Variants in CTNNA2 observed in about 807,000 individuals in gnomAD.
CTNNA2 encodes the protein catenin alpha 2, also known as catenin alpha-2.
CTNNA2 carries 42 observed loss-of-function variants against 101.0 expected under a neutral mutation model. The observed-to-expected ratio is 0.42, with a 90% CI of 0.32 to 0.54. The LOEUF (loss-of-function observed/expected upper bound fraction) is 0.54, where lower values mean the gene tolerates loss of function less well. CTNNA2 is among the 20% of genes least tolerant of loss of function. The pLI, the probability that CTNNA2 is intolerant of heterozygous loss-of-function variation, is 0.14. For synonymous variants in CTNNA2, 450 were observed against 456.4 expected (o/e 0.99, Z 0.18); for missense variants, 871 against 1,223.1 (o/e 0.71, Z 4.29).
chr2:79,316,421 G>A (rs1676498985), intron 3 of CTNNA2, among the ~76,000 whole-genome samples: 1 of 151,912 alleles, frequency 6.6e-6, no homozygotes, highest in South Asian at 2.1e-4. Flanking sequence ...TGACATCCCA[G>A]CATTTCCACA....
intron 2 of CTNNA2, among the ~76,000 whole-genome samples, chr2:79,252,229 A>G (rs2104273334): frequency 6.6e-6 from 1 of 152,246 alleles, no homozygotes; most frequent in African/African-American, 2.4e-5. Context: ...TACAAAAAAG[A>G]CTGCTTGACT....
At chr2:79,338,244 T>TAAAAAAAAAAAAA (rs1677040932) in intron 3 of CTNNA2, among the ~76,000 whole-genome samples, 1 of 14,572 alleles carries the variant, frequency 6.9e-5, no homozygotes. Flanking sequence ...AGACTCCATC[T>TAAAAAAAAAAAAA]CAAAAAAAAA....
At chr2:79,291,551 A>C (rs1241037285) in intron 2 of CTNNA2, among the ~76,000 whole-genome samples, 7 of 152,162 alleles carry the variant, frequency 4.6e-5, no homozygotes, top group Non-Finnish European at 1.0e-4. Flanking sequence ...CAGGAGCCAT[A>C]AGTTGAAGAA....
At chr2:79,828,250 C>T (rs972707091) in intron 3 of CTNNA2, among the ~76,000 whole-genome samples, 1 of 152,136 alleles carries the variant, frequency 6.6e-6, no homozygotes, top group Non-Finnish European at 1.5e-5. Flanking sequence ...ATATAGAAGG[C>T]AACACTTTCA....
chr2:79,903,735 A>G (rs1172406297), intron 6 of CTNNA2, among the ~76,000 whole-genome samples: 1 of 152,208 alleles, frequency 6.6e-6, no homozygotes, highest in African/African-American at 2.4e-5. Context: ...GAGGCTCAGC[A>G]CTGTTCCCAG....
At chr2:80,496,777 T>G (rs1687510058) in intron 9 of CTNNA2, among the ~76,000 whole-genome samples, 1 of 152,210 alleles carries the variant, frequency 6.6e-6, no homozygotes, top group Admixed American at 6.5e-5. Flanking sequence ...ACAATTGAAT[T>G]TATAATCGTT....
intron 2 of CTNNA2, among the ~76,000 whole-genome samples, chr2:79,214,921 A>C (rs1674228818): frequency 6.6e-6 from 1 of 151,978 alleles, no homozygotes; most frequent in Admixed American, 6.6e-5. Flanking sequence ...TTCTGGAGGC[A>C]AGGGAAACAG....
chr2:80,108,759 A>T (rs1701035409), intron 7 of CTNNA2, among the ~76,000 whole-genome samples: 1 of 152,204 alleles, frequency 6.6e-6, no homozygotes, highest in Non-Finnish European at 1.5e-5. Flanking sequence ...AGACACCTCA[A>T]AATGGGATCT....
At chr2:79,209,941 T>C (rs1009385763) in intron 2 of CTNNA2, among the ~76,000 whole-genome samples, 2 of 151,926 alleles carry the variant, frequency 1.3e-5, no homozygotes, top group Non-Finnish European at 2.9e-5. Context: ...TGATCAACAG[T>C]TTTCTTGGTA....
intron 9 of CTNNA2, among the ~76,000 whole-genome samples, chr2:80,515,237 A>G (rs1239591756): frequency 6.6e-6 from 1 of 151,696 alleles, no homozygotes; most frequent in African/African-American, 2.4e-5. Flanking sequence ...TTGGAATTGA[A>G]TTCTGTCAAC....
chr2:79,260,420 G>C (rs1674905399), intron 2 of CTNNA2, among the ~76,000 whole-genome samples: 1 of 152,158 alleles, frequency 6.6e-6, no homozygotes, highest in African/African-American at 2.4e-5. Flanking sequence ...TACCTCAGGA[G>C]CGTCTGAGGA....
intron 7 of CTNNA2, chr2:80,029,397 T>G (rs1027946675): frequency 1.3e-5 from 2 of 152,104 alleles, no homozygotes; most frequent in Non-Finnish European, 2.9e-5. Context: ...TTTTCAAGAG[T>G]TCACTCACCT....
rs752633874 is a variant in CTNNA2, at chr2:80,303,109, C to T, written c.1057-90102C>T. 4.3e-6 allele frequency: 7 copies of T among 1,613,924 alleles called. No individual in the cohort carries two copies. Among genetic ancestry groups the T allele is most frequent in the South Asian group, 2.2e-5 (2 of 91,084 alleles). On this transcript the variant is annotated intron_variant, in intron 7 of 18. Transcript: ENST00000402739. This position sits in a 1 kb window ranked among gnomAD's most constrained non-coding sequence, Gnocchi z 7.7. ...CCACCTTGTTCCTCCGCAGGCAGAG[C>T]GAGTGCAGGGAGATGAGGCGCGGGA...
intron 9 of CTNNA2, among the ~76,000 whole-genome samples, chr2:80,440,026 A>G (rs1482532297): frequency 6.6e-6 from 1 of 152,232 alleles, no homozygotes; most frequent in Non-Finnish European, 1.5e-5. Flanking sequence ...AACTTATGTA[A>G]TAGAAGATGA....
In CTNNA2 at chr2:80,553,932, T is replaced by C. The variant is rs1692799656; in HGVS notation, c.1541-1761T>C. Among the ~76,000 whole-genome samples the C allele has an allele frequency of 3.3e-5, 5 of 152,310 alleles. No individual in the cohort carries two copies. The South Asian group carries it at 8.3e-4, about 25-fold the overall frequency. On this transcript the variant is annotated intron_variant, in intron 11 of 18. Transcript: ENST00000402739. ...CATGTCTCAAGAAAATGTCATGATTTGGGAAGTACTACTTTTTGTGAGTTT... is the reference window on the plus strand; with the variant it reads ...CATGTCTCAAGAAAATGTCATGATTCGGGAAGTACTACTTTTTGTGAGTTT...
rs563374191 is a variant in CTNNA2 at position 79,888,391 on chromosome 2, C to T, written c.852+14049C>T. Among the ~76,000 whole-genome samples, 16 of 152,154 alleles carry T rather than the reference C, an allele frequency of 1.1e-4. No individual in the cohort carries two copies. The South Asian group carries it at 2.3e-3, about 22-fold the overall frequency. The stretch of plus-strand genomic sequence containing the variant: ...TATTGACACCTCTTGTATAGGTTAT[C>T]GATACCTCTGATATTGCTTCTAAAC... On this transcript the variant is annotated intron_variant, in intron 6 of 18. Transcript: ENST00000402739.
At chr2:79,808,479 G>A (rs1215293150) in intron 3 of CTNNA2, among the ~76,000 whole-genome samples, 1 of 152,138 alleles carries the variant, frequency 6.6e-6, no homozygotes, top group Non-Finnish European at 1.5e-5. Flanking sequence ...CAATCCCAAA[G>A]CATCTGAAGC....
At chr2:79,555,075 C>T (rs565271512) in intron 1 of CTNNA2, among the ~76,000 whole-genome samples, 34 of 152,308 alleles carry the variant, frequency 2.2e-4, no homozygotes, top group African/African-American at 7.2e-4. Flanking sequence ...GCAGATTTCA[C>T]AGTCAAGAGT....
At chr2:79,672,264 C>A (rs925825839) in intron 2 of CTNNA2, among the ~76,000 whole-genome samples, 6 of 152,200 alleles carry the variant, frequency 3.9e-5, no homozygotes, top group Non-Finnish European at 7.4e-5. Context: ...TTAGCCCTGG[C>A]ATCATGAAAA....
Sources: gnomAD v4.1 joint callset for allele counts (sites outside exome capture counted in the v4.1 genomes callset) on GRCh38, gnomAD v4.1.1 for gene constraint, Gnocchi (gnomAD v3.1) non-coding constraint, MANE v1.5 for transcripts, NCBI Gene and HGNC (gene_info 2026-07-23, HGNC 2026-07-21) for gene names.